Variants in ZNF713 observed in about 807,000 individuals in gnomAD.
ZNF713 encodes the protein zinc finger protein 713.
A neutral mutation model predicts 28.7 loss-of-function variants in ZNF713; 21 were observed. The ratio of observed to expected loss-of-function variants is 0.73; its 90% confidence interval spans 0.52 to 1.05. ZNF713 has a LOEUF of 1.05. Among genes scored for constraint, ZNF713 ranks in the 50% least tolerant of loss-of-function variants. The pLI, the probability that ZNF713 is intolerant of heterozygous loss-of-function variation, is 0.00. For missense variants in ZNF713, 458 were observed against 532.4 expected, an observed-to-expected ratio of 0.86 and a Z score of 1.37; for synonymous variants, 167 against 178.0, an observed-to-expected ratio of 0.94 and a Z score of 0.49.
chr7:55,930,489 G>C (rs1235416342), intron 6 of ZNF713, among the ~76,000 whole-genome samples: 1 of 152,136 alleles, frequency 6.6e-6, no homozygotes, highest in Non-Finnish European at 1.5e-5. Context: ...TGTAAATAAA[G>C]TTTTATGGGA....
At chr7:55,904,623 GA>G (rs761903753) in intron 1 of ZNF713, among the ~76,000 whole-genome samples, 2 of 152,098 alleles carry the variant, frequency 1.3e-5, no homozygotes, top group African/African-American at 4.8e-5. Context: ...AGGAAGTAGA[GA>G]AAGTATTGAC....
At chr7:55,903,012 AAAAG>A (rs1477694500) in intron 1 of ZNF713, among the ~76,000 whole-genome samples, 2 of 151,654 alleles carry the variant, frequency 1.3e-5, no homozygotes, top group African/African-American at 2.4e-5. Context: ...AAAAAAAAAA[AAAAG>A]AGTGTTAATT....
intron 6 of ZNF713, among the ~76,000 whole-genome samples, chr7:55,935,290 T>C (rs1786322810): frequency 1.3e-5 from 2 of 152,028 alleles, no homozygotes; most frequent in African/African-American, 4.8e-5. Context: ...GCAAAGAAAA[T>C]TGGAAACCTA....
chr7:55,902,856 G>T (rs776557030), intron 1 of ZNF713, among the ~76,000 whole-genome samples: 6 of 151,968 alleles, frequency 3.9e-5, no homozygotes, highest in Non-Finnish European at 8.8e-5. Context: ...AGCCGGATAT[G>T]GTGGTGGGTG....
intron 1 of ZNF713, among the ~76,000 whole-genome samples, chr7:55,903,661 T>G (rs1584301052): frequency 2.3e-5 from 3 of 131,714 alleles, no homozygotes; most frequent in South Asian, 2.5e-4. Flanking sequence ...AGCCAGACTG[T>G]GTCTTAAAAA....
At chr7:55,922,175 C>A (rs184654885) in intron 4 of ZNF713, among the ~76,000 whole-genome samples, 1 of 151,810 alleles carries the variant, frequency 6.6e-6, no homozygotes, top group East Asian at 1.9e-4. Context: ...GATCCACCCA[C>A]CTCGGCCTCC....
chr7:55,938,879 C>T, intron 6 of ZNF713, 103 bp from the exon 7 acceptor site: 1 of 1,219,826 alleles, frequency 8.2e-7, no homozygotes, highest in Non-Finnish European at 1.1e-6. Flanking sequence ...GTACACATTA[C>T]TGTCAGTTTT....
chr7:55,914,177 A>C (rs1785837925), intron 4 of ZNF713, among the ~76,000 whole-genome samples: 1 of 151,716 alleles, frequency 6.6e-6, no homozygotes, highest in Non-Finnish European at 1.5e-5. Context: ...ACATTTATAT[A>C]TTTTAAATTA....
chr7:55,917,057 A>G (rs938319036), intron 4 of ZNF713, among the ~76,000 whole-genome samples: 15 of 152,228 alleles, frequency 9.9e-5, no homozygotes, highest in African/African-American at 3.6e-4. Flanking sequence ...TACTAAAAAT[A>G]TAAAAAATTA....
chr7:55,890,704 C>G (rs1785365835), intron 1 of ZNF713, among the ~76,000 whole-genome samples: 1 of 151,988 alleles, frequency 6.6e-6, no homozygotes, highest in African/African-American at 2.4e-5. Context: ...ATCCTGGTAT[C>G]ACAGATACAC....
At chr7:55,894,989 T>C (rs982415285) in intron 1 of ZNF713, among the ~76,000 whole-genome samples, 3 of 152,194 alleles carry the variant, frequency 2.0e-5, no homozygotes, top group Non-Finnish European at 4.4e-5. Context: ...TAACTAGTTA[T>C]CTCCAGGTGA....
intron 1 of ZNF713, among the ~76,000 whole-genome samples, chr7:55,899,131 A>G (rs180821860): frequency 1.0e-3 from 151 of 145,774 alleles, no homozygotes; most frequent in African/African-American, 3.2e-3. Flanking sequence ...AGGCGGGCAG[A>G]TCACAGGGTC....
chr7:55,898,511 C>G (rs1021909111), intron 1 of ZNF713, among the ~76,000 whole-genome samples: 2 of 152,174 alleles, frequency 1.3e-5, no homozygotes, highest in African/African-American at 4.8e-5. Context: ...CAAGGACCTT[C>G]TTCATATGGC....
intron 1 of ZNF713, among the ~76,000 whole-genome samples, chr7:55,898,814 T>TA (rs57985225): frequency 0.045 from 6,708 of 150,188 alleles, 456 homozygotes; most frequent in African/African-American, 0.15. Flanking sequence ...CATTTACCTC[T>TA]AAAAAAAAAG....
At chr7:55,895,314 G>A (rs1282670974) in intron 1 of ZNF713, among the ~76,000 whole-genome samples, 2 of 152,162 alleles carry the variant, frequency 1.3e-5, no homozygotes, top group Non-Finnish European at 2.9e-5. Flanking sequence ...AAGGGAGAAC[G>A]AGGGAGCTCA....
At chr7:55,929,925 C>T (rs975364656) in intron 6 of ZNF713, among the ~76,000 whole-genome samples, 2 of 152,026 alleles carry the variant, frequency 1.3e-5, no homozygotes, top group African/African-American at 4.8e-5. Flanking sequence ...AATAATAATT[C>T]TGCTTGATGT....
At chr7:55,916,162 G>A (rs1039838231) in intron 4 of ZNF713, among the ~76,000 whole-genome samples, 32 of 152,174 alleles carry the variant, frequency 2.1e-4, no homozygotes, top group African/African-American at 7.2e-4. Context: ...TGCTCAAAGC[G>A]CATGGCTCCC....
At chr7:55,934,618 C>G (rs1316358958) in intron 6 of ZNF713, among the ~76,000 whole-genome samples, 1 of 152,070 alleles carries the variant, frequency 6.6e-6, no homozygotes, top group Admixed American at 6.6e-5. Flanking sequence ...GACCCTCTCA[C>G]CTCAGCCTCC....
At chr7:55,905,999 G>A (rs1423351162) in intron 1 of ZNF713, among the ~76,000 whole-genome samples, 1 of 151,860 alleles carries the variant, frequency 6.6e-6, no homozygotes, top group Non-Finnish European at 1.5e-5. Flanking sequence ...CTATTTGGGA[G>A]GCTGAGGCAG....
Sources: allele counts gnomAD v4.1 joint callset (sites outside exome capture counted in the v4.1 genomes callset), GRCh38; gene constraint gnomAD v4.1.1; transcripts MANE v1.5; gene names NCBI Gene and HGNC (gene_info 2026-07-23, HGNC 2026-07-21).